The following SIL1 variants were observed in gnomAD, a reference collection of about 807,000 sequenced individuals.
SIL1 encodes the protein SIL1 nucleotide exchange factor.
A neutral mutation model predicts 49.1 loss-of-function variants in SIL1; 40 were observed. That is an observed-to-expected ratio of 0.81 (90% CI 0.63 to 1.06). The LOEUF is 1.06. Among genes scored for constraint, SIL1 ranks in the 50% least tolerant of loss-of-function variants. The pLI is 0.00. For missense variants in SIL1, 500 were observed against 572.6 expected, an observed-to-expected ratio of 0.87 and a Z score of 1.29; for synonymous variants, 253 against 250.8, an observed-to-expected ratio of 1.01 and a Z score of -0.08.
intron 5 of SIL1, chr5:139,035,056 A>G (rs988278936): frequency 5.2e-6 from 1 of 192,072 alleles, no homozygotes; most frequent in African/African-American, 2.4e-5. Flanking sequence ...TGTTGCCCAC[A>G]TGTATGTCTT....
At chr5:139,095,734 G>A (rs1770447634) in intron 3 of SIL1, among the ~76,000 whole-genome samples, 1 of 152,178 alleles carries the variant, frequency 6.6e-6, no homozygotes, top group South Asian at 2.1e-4. Flanking sequence ...AGGCTGAGGT[G>A]GGAGGACTGG....
chr5:139,117,066 A>G (rs1327865888), intron 3 of SIL1, among the ~76,000 whole-genome samples: 1 of 152,266 alleles, frequency 6.6e-6, no homozygotes, highest in Non-Finnish European at 1.5e-5. Flanking sequence ...AGGGTTAAAG[A>G]GAAAAGGCCC....
intron 1 of SIL1, among the ~76,000 whole-genome samples, chr5:139,175,246 C>T (rs1229811262): frequency 6.6e-6 from 1 of 151,884 alleles, no homozygotes; most frequent in South Asian, 2.1e-4. Flanking sequence ...TGCTTGAAGC[C>T]GGGAGGCGGA....
intron 1 of SIL1, among the ~76,000 whole-genome samples, chr5:139,173,127 T>A (rs1168940976): frequency 6.6e-6 from 1 of 152,228 alleles, no homozygotes; most frequent in South Asian, 2.1e-4. Flanking sequence ...AATGGAGCTG[T>A]TGAAGAAGCC....
At chr5:139,187,759 T>C (rs1477791461) in intron 1 of SIL1, 2 of 152,184 alleles carry the variant, frequency 1.3e-5, no homozygotes, top group South Asian at 2.1e-4. Context: ...GTGGGTGCCA[T>C]TGAAGGCTTC....
chr5:139,164,579 A>G (rs565749073), intron 1 of SIL1, among the ~76,000 whole-genome samples: 1 of 152,090 alleles, frequency 6.6e-6, no homozygotes, highest in East Asian at 1.9e-4. Flanking sequence ...AGGCATTACA[A>G]TCTTCACCAT....
At chr5:138,952,190 C>T (rs574024505) in intron 7 of SIL1, among the ~76,000 whole-genome samples, 8 of 152,336 alleles carry the variant, frequency 5.3e-5, no homozygotes, top group African/African-American at 1.9e-4. Context: ...ATTTCGATGC[C>T]GAAGGTGCTC....
chr5:139,027,108 C>T, intron 5 of SIL1, 116 bp from the exon 6 acceptor site: 2 of 916,656 alleles, frequency 2.2e-6, no homozygotes, highest in East Asian at 2.6e-5. Flanking sequence ...TCACAGTCTT[C>T]TCTCATCTAT....
At chr5:139,024,282 G>A (rs950305589) in intron 6 of SIL1, among the ~76,000 whole-genome samples, 3 of 152,158 alleles carry the variant, frequency 2.0e-5, no homozygotes, top group African/African-American at 7.2e-5. Context: ...ATCTCTAATG[G>A]AAAAGCTGTT....
intron 3 of SIL1, among the ~76,000 whole-genome samples, chr5:139,066,279 C>A (rs1442613702): frequency 6.6e-6 from 1 of 152,196 alleles, no homozygotes; most frequent in Non-Finnish European, 1.5e-5. Flanking sequence ...ACAGCTACCC[C>A]ACGCTCTGGC....
intron 3 of SIL1, among the ~76,000 whole-genome samples, chr5:139,067,150 G>A (rs755988655): frequency 6.6e-6 from 1 of 152,202 alleles, no homozygotes; most frequent in South Asian, 2.1e-4. Context: ...GAAATGTGGG[G>A]CAGAAGGATG....
intron 3 of SIL1, among the ~76,000 whole-genome samples, chr5:139,094,904 T>G (rs1770421277): frequency 1.3e-5 from 2 of 152,242 alleles, no homozygotes; most frequent in African/African-American, 4.8e-5. Context: ...CATGATAGTT[T>G]GCAGAGTACT....
At chr5:138,974,655 T>A (rs1037637959) in intron 7 of SIL1, among the ~76,000 whole-genome samples, 4 of 152,082 alleles carry the variant, frequency 2.6e-5, no homozygotes, top group Non-Finnish European at 4.4e-5. Flanking sequence ...GTATGAAAGC[T>A]GGAGAGGGAA....
chr5:139,093,552 G>A (rs554571447), intron 3 of SIL1, among the ~76,000 whole-genome samples: 40 of 152,270 alleles, frequency 2.6e-4, no homozygotes, highest in South Asian at 2.1e-3. Context: ...GTTCTTCTCC[G>A]TGATGGTTAA....
At chr5:138,994,896 G>T (rs955849102) in intron 7 of SIL1, among the ~76,000 whole-genome samples, 4 of 152,090 alleles carry the variant, frequency 2.6e-5, no homozygotes, top group African/African-American at 9.7e-5. Flanking sequence ...AGTGTATGTT[G>T]TTCCTCTTCC....
chr5:139,180,122 G>A (rs1751955942), intron 1 of SIL1, among the ~76,000 whole-genome samples: 1 of 150,480 alleles, frequency 6.6e-6, no homozygotes, highest in Admixed American at 6.6e-5. Context: ...CCAGCACTTT[G>A]GGAGACCGAG....
At chr5:139,017,390 C>T (rs1768424475) in intron 7 of SIL1, among the ~76,000 whole-genome samples, 1 of 152,162 alleles carries the variant, frequency 6.6e-6, no homozygotes, top group African/African-American at 2.4e-5. Flanking sequence ...ATAATCTCAC[C>T]ATGACTAATG....
At chr5:139,087,064 C>G (rs1317655649) in intron 3 of SIL1, among the ~76,000 whole-genome samples, 1 of 152,000 alleles carries the variant, frequency 6.6e-6, no homozygotes, top group Non-Finnish European at 1.5e-5. Flanking sequence ...AACTCCTGGA[C>G]TCAAGCAATC....
intron 7 of SIL1, among the ~76,000 whole-genome samples, chr5:139,010,551 G>A (rs1768232460): frequency 1.3e-5 from 2 of 152,164 alleles, no homozygotes; most frequent in Admixed American, 6.5e-5. Flanking sequence ...GATTTTTAGA[G>A]CTTCCAGTTT....
Sources: gnomAD v4.1 joint callset for allele counts (sites outside exome capture counted in the v4.1 genomes callset) on GRCh38, gnomAD v4.1.1 for gene constraint, MANE v1.5 for transcripts, NCBI Gene and HGNC (gene_info 2026-07-23, HGNC 2026-07-21) for gene names.